Variants in STRIP2 observed in about 807,000 individuals in gnomAD.
STRIP2 encodes striatin interacting protein 2, also known as striatin-interacting protein 2.
A neutral mutation model predicts 107.1 loss-of-function variants in STRIP2; 84 were observed. The observed-to-expected ratio is 0.78, with a 90% confidence interval of 0.66 to 0.94. The LOEUF (loss-of-function observed/expected upper bound fraction) is 0.94, where lower values mean the gene tolerates loss of function less well. STRIP2 is among the 40% of genes least tolerant of loss of function. The probability of loss-of-function intolerance (pLI) is 0.00; values close to 1 mark genes in which losing one functional copy is unlikely to be tolerated. For missense variants in STRIP2, 888 were observed against 1,034.2 expected (o/e 0.86, Z 1.94); for synonymous variants, 394 against 400.4 (o/e 0.98, Z 0.19).
intron 1 of STRIP2, among the ~76,000 whole-genome samples, chr7:129,435,722 A>T (rs1435187125): frequency 6.6e-6 from 1 of 152,214 alleles, no homozygotes; most frequent in Non-Finnish European, 1.5e-5. Flanking sequence ...GGCACAGTGC[A>T]GGCACAATGC....
intron 3 of STRIP2, among the ~76,000 whole-genome samples, chr7:129,445,732 A>G (rs963782289): frequency 6.6e-5 from 10 of 152,200 alleles, no homozygotes; most frequent in Admixed American, 6.5e-4. Flanking sequence ...GGAACATGGT[A>G]AGACCATGAG....
At position 129,483,339 on chromosome 7, in the gene STRIP2, T is replaced by C. The variant is rs746796606; in HGVS notation, c.2254+293T>C. The C allele has an allele frequency of 5.1e-5, 57 of 1,114,586 alleles. No homozygotes were observed. The highest frequency in any genetic ancestry group is 5.9e-5 in the Non-Finnish European group (53 of 898,740). The allele number at this position is 1,114,586 out of a possible 1,614,324, so 69.0% of individuals were successfully genotyped here. On this transcript the variant is annotated intron_variant, in intron 20 of 20. Transcript: ENST00000249344. The surrounding 1 kb of genome is among the most constrained non-coding windows in gnomAD (Gnocchi z 5.1). ...AAATGACAGCTTTCTCCAAAAGATT[T>C]AAATTAAAACAACTTTTTATTATTA...
In STRIP2 at chr7:129,461,958, G is replaced by A. The variant is rs192549217; in HGVS notation, c.1477-1008G>A. ...GGATCCTGAGCACAAGTAGGAGACT[G>A]GCCTTTGTTAGAAGCACAGGCGGTT... On this transcript the variant is annotated intron_variant, in intron 13 of 20. Transcript: ENST00000249344. The surrounding 1 kb of genome is among the most constrained non-coding windows in gnomAD (Gnocchi z 4.0). Among the ~76,000 whole-genome samples the A allele has an allele frequency of 6.6e-6, 1 of 152,268 alleles. No individual in the cohort carries two copies. Among genetic ancestry groups the A allele is most frequent in the East Asian group, 1.9e-4 (1 of 5,182 alleles).
intron 2 of STRIP2, among the ~76,000 whole-genome samples, chr7:129,443,267 T>A (rs1797950025): frequency 1.3e-5 from 2 of 152,178 alleles, no homozygotes; most frequent in Admixed American, 1.3e-4. Context: ...CTCAAACTCC[T>A]GGCCTCAAGC....
chr7:129,456,598 G>C lies in STRIP2; in HGVS notation c.994G>C (p.Ala332Pro), dbSNP rs1278655137. The change falls in exon 9 of 21, where the codon GCA (alanine) becomes CCA (proline). Residue 332 changes from alanine to proline, a missense_variant. Coordinates refer to ENST00000249344, the MANE Select transcript of STRIP2 (RefSeq NM_020704.3). ...YTLDLGESQL[A>P]PPPSKLRGRR... The stretch of plus-strand genomic sequence containing the variant: ...TCTTGACCTGGGAGAGTCTCAGCTG[G>C]CACCCCCACCCTCCAAGCTGCGAGG... The C allele has an allele frequency of 6.2e-7, 1 of 1,614,066 alleles. No individual in the cohort carries two copies. Among genetic ancestry groups the C allele is most frequent in the East Asian group, 2.2e-5 (1 of 44,886 alleles).
intron 18 of STRIP2, among the ~76,000 whole-genome samples, chr7:129,474,628 A>G (rs897201702): frequency 2.6e-5 from 4 of 151,068 alleles, no homozygotes; most frequent in Non-Finnish European, 5.9e-5. Flanking sequence ...TCCTGCCTCA[A>G]CCTCCCAAGT....
chr7:129,443,507 T>C (rs1797956477), intron 2 of STRIP2, among the ~76,000 whole-genome samples: 1 of 152,192 alleles, frequency 6.6e-6, no homozygotes, highest in African/African-American at 2.4e-5. Flanking sequence ...GAATCTAAAC[T>C]TCTATACCCT....
At chr7:129,449,219 T>C (rs1489970898) in intron 3 of STRIP2, among the ~76,000 whole-genome samples, 1 of 152,214 alleles carries the variant, frequency 6.6e-6, no homozygotes, top group Non-Finnish European at 1.5e-5. Context: ...CATCATCCCA[T>C]ACCCTTAATA....
chr7:129,478,057 G>T, intron 18 of STRIP2: 1 of 354,984 alleles, frequency 2.8e-6, no homozygotes, highest in Non-Finnish European at 5.6e-6. Flanking sequence ...GAATGGTGGT[G>T]ATACGAAGAA....
In STRIP2 at chr7:129,441,580, T is replaced by A. The variant is rs569336775; in HGVS notation, c.199+1489T>A. ...ATATATTTATTTTTTATTTTTTTAT[T>A]TTTGAGACAGAGTCTGGCTCTGTTG... On this transcript the variant is annotated intron_variant, in intron 2 of 20. Coordinates refer to ENST00000249344, the MANE Select transcript of STRIP2 (RefSeq NM_020704.3). 5.9e-5 allele frequency among the ~76,000 whole-genome samples: 9 copies of A among 152,342 alleles called. No homozygotes were observed. In the East Asian group the frequency reaches 1.7e-3, roughly 29 times the overall value.
rs1271060758 is a variant in STRIP2, at chr7:129,482,841, G to T, written c.2050-1G>T. 2 of 1,613,814 alleles carry T rather than the reference G, an allele frequency of 1.2e-6. No individual in the cohort carries two copies. Among genetic ancestry groups the T allele is most frequent in the African/African-American group, 1.3e-5 (1 of 74,876 alleles). ...TACCCCACCCCTCTTTCAATGAACA[G>T]ATGCTGGTAGTGTTTAAATCGGCAC... On this transcript the variant is annotated splice_acceptor_variant, in intron 19 of 20. Transcript: ENST00000249344. LOFTEE classifies it high-confidence loss of function.
chr7:129,470,171 G>C (rs1447232804), intron 17 of STRIP2, among the ~76,000 whole-genome samples: 2 of 152,092 alleles, frequency 1.3e-5, no homozygotes, highest in Non-Finnish European at 2.9e-5. Context: ...TTTAGGAGTG[G>C]CTTCTGTAAT....
chr7:129,440,967 T>G (rs1052908219), intron 2 of STRIP2, among the ~76,000 whole-genome samples: 1 of 152,030 alleles, frequency 6.6e-6, no homozygotes, highest in African/African-American at 2.4e-5. Flanking sequence ...GAGAGCTAAG[T>G]TTAATAACCA....
chr7:129,453,466 C>T, intron 5 of STRIP2, 119 bp downstream of exon 5: 7 of 1,263,120 alleles, frequency 5.5e-6, no homozygotes, highest in East Asian at 2.5e-5. Context: ...TCTACTCACA[C>T]CTCAGCCCAA....
chr7:129,460,111 A>G (rs1451822078), intron 12 of STRIP2, among the ~76,000 whole-genome samples, 190 bp from the exon 13 acceptor site: 1 of 152,268 alleles, frequency 6.6e-6, no homozygotes, highest in Non-Finnish European at 1.5e-5. Flanking sequence ...AACACTGTGC[A>G]CAAAGCACTT....
chr7:129,460,107 GT>G (rs200516858), intron 12 of STRIP2, among the ~76,000 whole-genome samples, 193 bp from the exon 13 acceptor site: 3,404 of 152,314 alleles, frequency 0.022, 52 homozygotes, highest in Non-Finnish European at 0.032. Flanking sequence ...AAAAAACACT[GT>G]GCACAAAGCA....
intron 8 of STRIP2, 72 bp from the exon 9 acceptor site, chr7:129,456,367 T>G (rs1302114451): frequency 7.1e-7 from 1 of 1,399,948 alleles, no homozygotes. Flanking sequence ...TTCATCCATG[T>G]TTCCCTGACC....
At chr7:129,478,072 TATC>T (rs372465610) in intron 18 of STRIP2, 9 of 316,098 alleles carry the variant, frequency 2.8e-5, no homozygotes, top group East Asian at 1.0e-4. Flanking sequence ...GAAGAAATAG[TATC>T]ATCATGTTAG....
chr7:129,475,772 G>C (rs1328569397), intron 18 of STRIP2, among the ~76,000 whole-genome samples: 3 of 151,900 alleles, frequency 2.0e-5, no homozygotes, highest in African/African-American at 2.4e-5. Flanking sequence ...GACTCTTAAC[G>C]AGCATGCTGC....
Sources: allele counts gnomAD v4.1 joint callset (sites outside exome capture counted in the v4.1 genomes callset), GRCh38; gene constraint gnomAD v4.1.1; non-coding constraint Gnocchi (gnomAD v3.1); transcripts MANE v1.5; gene names NCBI Gene and HGNC (gene_info 2026-07-23, HGNC 2026-07-21).